Variants in HMGA2 observed in about 807,000 individuals in gnomAD.
HMGA2 encodes high mobility group protein HMGI-C.
In HMGA2, 8 loss-of-function variants were observed where a neutral mutation model predicts 19.1. The ratio of observed to expected loss-of-function variants is 0.42; its 90% confidence interval spans 0.25 to 0.76. The LOEUF (loss-of-function observed/expected upper bound fraction) is 0.76. Ranked by LOEUF, HMGA2 falls within the 30% of genes least tolerant of loss-of-function variation. The probability of loss-of-function intolerance (pLI) is 0.28; values close to 1 mark genes in which losing one functional copy is unlikely to be tolerated. For missense variants in HMGA2, 109 were observed against 136.3 expected (o/e 0.80, Z 1.00); for synonymous variants, 60 against 48.8 (o/e 1.23, Z -0.96).
At chr12:65,920,778 A>G (rs1375019549) in intron 3 of HMGA2, among the ~76,000 whole-genome samples, 1 of 152,188 alleles carries the variant, frequency 6.6e-6, no homozygotes, top group East Asian at 1.9e-4. Flanking sequence ...TTTTCTTCCC[A>G]GTCTCAGGTA....
intron 3 of HMGA2, among the ~76,000 whole-genome samples, chr12:65,922,718 G>A (rs954786466): frequency 2.0e-5 from 3 of 152,128 alleles, no homozygotes; most frequent in Non-Finnish European, 2.9e-5. Flanking sequence ...AGTATGATAT[G>A]GTTTGGCTGT....
At chr12:65,891,039 C>T (rs905195858) in intron 3 of HMGA2, among the ~76,000 whole-genome samples, 4 of 152,148 alleles carry the variant, frequency 2.6e-5, no homozygotes, top group Non-Finnish European at 5.9e-5. Context: ...CCGACTTCTT[C>T]AATATATTCG....
At chr12:65,837,427 A>T (rs772762616) in intron 2 of HMGA2, among the ~76,000 whole-genome samples, 1 of 152,220 alleles carries the variant, frequency 6.6e-6, no homozygotes, top group Non-Finnish European at 1.5e-5. Context: ...GTAGACAGTC[A>T]ATATCACTGT....
At chr12:65,943,327 C>T (rs758653347) in intron 3 of HMGA2, among the ~76,000 whole-genome samples, 1 of 152,088 alleles carries the variant, frequency 6.6e-6, no homozygotes, top group Non-Finnish European at 1.5e-5. Flanking sequence ...TCTTTTCACT[C>T]CATTCCAAAG....
At chr12:65,848,914 A>G (rs1871341208) in intron 3 of HMGA2, among the ~76,000 whole-genome samples, 1 of 152,262 alleles carries the variant, frequency 6.6e-6, no homozygotes, top group African/African-American at 2.4e-5. Flanking sequence ...AGGTTTACCA[A>G]GTTCCCAGAA....
At chr12:65,881,454 C>A in intron 3 of HMGA2, 1 of 460,412 alleles carries the variant, frequency 2.2e-6, no homozygotes, top group Non-Finnish European at 3.9e-6. Flanking sequence ...TAAGACTTGG[C>A]TAAAAAAAAC....
intron 2 of HMGA2, among the ~76,000 whole-genome samples, chr12:65,836,185 C>T (rs1047470780): frequency 6.6e-6 from 1 of 151,980 alleles, no homozygotes; most frequent in East Asian, 1.9e-4. Flanking sequence ...TGGTGAAACC[C>T]CGTCTCTACT....
intron 2 of HMGA2, among the ~76,000 whole-genome samples, chr12:65,836,063 G>A (rs139803721): frequency 5.6e-4 from 86 of 152,258 alleles, no homozygotes; most frequent in Admixed American, 1.1e-3. Context: ...AGGAATACTT[G>A]CATTGACCAA....
At chr12:65,882,375 C>A (rs954091273) in intron 3 of HMGA2, among the ~76,000 whole-genome samples, 1 of 152,208 alleles carries the variant, frequency 6.6e-6, no homozygotes, top group Middle Eastern at 3.2e-3. Flanking sequence ...CAGGGAGGCC[C>A]CAGCCACAGC....
intron 3 of HMGA2, among the ~76,000 whole-genome samples, chr12:65,937,691 A>G (rs1875943499): frequency 6.6e-6 from 1 of 152,192 alleles, no homozygotes; most frequent in Non-Finnish European, 1.5e-5. Context: ...AACCACTGAC[A>G]CCATCTCCAT....
At chr12:65,932,899 T>C (rs1565736397) in intron 3 of HMGA2, among the ~76,000 whole-genome samples, 1 of 152,202 alleles carries the variant, frequency 6.6e-6, no homozygotes, top group Non-Finnish European at 1.5e-5. Context: ...AAAACAATTA[T>C]TGCAATGACT....
chr12:65,955,926 A>G (rs1382280451), intron 4 of HMGA2: 2 of 152,182 alleles, frequency 1.3e-5, no homozygotes, highest in African/African-American at 2.4e-5. Flanking sequence ...CATTGTTTGG[A>G]GCAAAATGAG....
chr12:65,944,469 G>A (rs577533980), intron 3 of HMGA2, among the ~76,000 whole-genome samples: 4 of 152,262 alleles, frequency 2.6e-5, no homozygotes, highest in Admixed American at 2.6e-4. Context: ...ACCTGGTATA[G>A]GCCAATCCCT....
intron 3 of HMGA2, among the ~76,000 whole-genome samples, chr12:65,903,611 C>T (rs1187199072): frequency 6.6e-6 from 1 of 151,996 alleles, no homozygotes; most frequent in African/African-American, 2.4e-5. Context: ...GTAAAAGGTT[C>T]GAGAAATCAC....
chr12:65,920,751 A>G (rs1297016319), intron 3 of HMGA2, among the ~76,000 whole-genome samples: 1 of 152,184 alleles, frequency 6.6e-6, no homozygotes, highest in Non-Finnish European at 1.5e-5. Flanking sequence ...TGGAACTGTA[A>G]GTCCAATTAA....
At chr12:65,891,382 T>C (rs1873904430) in intron 3 of HMGA2, among the ~76,000 whole-genome samples, 1 of 152,178 alleles carries the variant, frequency 6.6e-6, no homozygotes, top group Non-Finnish European at 1.5e-5. Context: ...GTTCCATCAG[T>C]AGTGATTCAT....
At chr12:65,943,018 C>A (rs1876142703) in intron 3 of HMGA2, among the ~76,000 whole-genome samples, 1 of 151,988 alleles carries the variant, frequency 6.6e-6, no homozygotes, top group Non-Finnish European at 1.5e-5. Flanking sequence ...ATACATTTAT[C>A]TTTTCCATAT....
At position 65,824,713 on chromosome 12, in the gene HMGA2, T is replaced by TTCTCTCTCTC. The variant is rs60786450; in HGVS notation, c.-511_-502dup. 493 of 144,748 alleles carry TTCTCTCTCTC rather than the reference T, an allele frequency of 3.4e-3. 2 individuals carry two copies. Among genetic ancestry groups the TTCTCTCTCTC allele is most frequent in the East Asian group, 5.7e-3 (72 of 12,534 alleles). The allele number at this position is 144,748 out of a possible 1,614,324, so 9.0% of individuals were successfully genotyped here. On this transcript the variant is annotated 5_prime_UTR_variant, in exon 1 of 5. Transcript: ENST00000403681. ...CCAAGGCACTTTCAATCTCAATCTC[T>TTCTCTCTCTC]TCTCTCTCTCTCTCTCTCTCTCTCT...
chr12:65,849,984 G>T (rs142389205), intron 3 of HMGA2, among the ~76,000 whole-genome samples: 2,658 of 152,096 alleles, frequency 0.017, 47 homozygotes, highest in South Asian at 0.04. Flanking sequence ...CTCCCATAGT[G>T]CTGGGATTAC....
Sources: gnomAD v4.1 joint callset for allele counts (sites outside exome capture counted in the v4.1 genomes callset) on GRCh38, gnomAD v4.1.1 for gene constraint, MANE v1.5 for transcripts, NCBI Gene and HGNC (gene_info 2026-07-23, HGNC 2026-07-21) for gene names.